UMAD1: variants seen among roughly 807,000 people sequenced by gnomAD.
UMAD1 encodes the protein UBAP1-MVB12-associated (UMA)-domain containing protein 1.
UMAD1 carries 8 observed loss-of-function variants against 6.1 expected under a neutral mutation model. The ratio of observed to expected loss-of-function variants is 1.30; its 90% confidence interval spans 0.76 to 2.35. The LOEUF (loss-of-function observed/expected upper bound fraction) is 2.35, where lower values mean the gene tolerates loss of function less well. Among genes scored for constraint, UMAD1 ranks in the 30% most tolerant of loss-of-function variants. UMAD1 has a pLI of 0.00. For synonymous variants in UMAD1, 56 were observed against 31.4 expected, an observed-to-expected ratio of 1.78 and a Z score of -2.61; for missense variants, 130 against 78.4, an observed-to-expected ratio of 1.66 and a Z score of -2.49.
chr7:7,734,986 A>T (rs891146228), intron 2 of UMAD1, among the ~76,000 whole-genome samples: 1 of 152,152 alleles, frequency 6.6e-6, no homozygotes, highest in African/African-American at 2.4e-5. Context: ...TAGTCCTAAA[A>T]TTATATTTAA....
At chr7:7,866,405 G>A (rs547753931) in intron 3 of UMAD1, among the ~76,000 whole-genome samples, 20 of 152,298 alleles carry the variant, frequency 1.3e-4, no homozygotes, top group Middle Eastern at 3.4e-3. Context: ...CACAGGGATG[G>A]TTACTTGGCC....
At chr7:7,814,644 A>G (rs1783089963) in intron 3 of UMAD1, among the ~76,000 whole-genome samples, 2 of 138,344 alleles carry the variant, frequency 1.4e-5, no homozygotes, top group South Asian at 2.2e-4. Flanking sequence ...TTATATTTAG[A>G]GTGTACTTTT....
At chr7:7,867,417 A>C (rs1784253943) in intron 3 of UMAD1, among the ~76,000 whole-genome samples, 1 of 152,166 alleles carries the variant, frequency 6.6e-6, no homozygotes, top group Non-Finnish European at 1.5e-5. Flanking sequence ...CAGAAATGGA[A>C]CCCTAAAGAA....
intron 2 of UMAD1, among the ~76,000 whole-genome samples, chr7:7,688,274 C>A (rs1328150679): frequency 2.0e-5 from 3 of 152,048 alleles, no homozygotes; most frequent in Non-Finnish European, 4.4e-5. Context: ...ATATTTTTAT[C>A]TTAATGGTAA....
At chr7:7,865,104 T>G (rs1375312553) in intron 3 of UMAD1, among the ~76,000 whole-genome samples, 1 of 152,166 alleles carries the variant, frequency 6.6e-6, no homozygotes, top group East Asian at 1.9e-4. Context: ...GCCAATAGTG[T>G]GAAGAAAATT....
chr7:7,797,706 T>C (rs1396173174), intron 2 of UMAD1, among the ~76,000 whole-genome samples: 2 of 151,212 alleles, frequency 1.3e-5, no homozygotes, highest in African/African-American at 4.8e-5. Flanking sequence ...TTTTTTTTTT[T>C]GAGACGAGGT....
intron 3 of UMAD1, among the ~76,000 whole-genome samples, chr7:7,870,763 A>G (rs529737286): frequency 2.6e-5 from 4 of 152,258 alleles, no homozygotes; most frequent in Non-Finnish European, 5.9e-5. Flanking sequence ...CAGCTGCATC[A>G]TGGCACTCAC....
chr7:7,782,133 C>G (rs938750059), intron 2 of UMAD1, among the ~76,000 whole-genome samples: 1 of 151,896 alleles, frequency 6.6e-6, no homozygotes, highest in African/African-American at 2.4e-5. Flanking sequence ...AAAAACTTCT[C>G]TTTTTATTAT....
intron 3 of UMAD1, among the ~76,000 whole-genome samples, chr7:7,871,786 T>C (rs1784337375): frequency 6.6e-6 from 1 of 151,842 alleles, no homozygotes; most frequent in Admixed American, 6.6e-5. Flanking sequence ...CTGTACTAGA[T>C]ATAGTTTGAT....
At chr7:7,779,355 C>G (rs896513146) in intron 2 of UMAD1, among the ~76,000 whole-genome samples, 1 of 152,050 alleles carries the variant, frequency 6.6e-6, no homozygotes, top group African/African-American at 2.4e-5. Context: ...TAGCTGACTT[C>G]CTGGGCTCAA....
At chr7:7,745,985 C>T (rs776930754) in intron 2 of UMAD1, among the ~76,000 whole-genome samples, 2 of 152,220 alleles carry the variant, frequency 1.3e-5, no homozygotes, top group Non-Finnish European at 2.9e-5. Flanking sequence ...ATCCTCCCAC[C>T]TCAGCCCCCT....
chr7:7,872,539 A>T (rs1784349435), intron 3 of UMAD1, among the ~76,000 whole-genome samples: 1 of 152,252 alleles, frequency 6.6e-6, no homozygotes, highest in African/African-American at 2.4e-5. Flanking sequence ...AGCAGATAGA[A>T]TAACGAAAAA....
chr7:7,828,986 T>A lies in UMAD1; in HGVS notation c.156+27243T>A, dbSNP rs1473212. Among the ~76,000 whole-genome samples the A allele has an allele frequency of 7.6e-3, 1,162 of 152,322 alleles. 57 individuals carry two copies. The East Asian group carries it at 0.15, about 20-fold the overall frequency. Reference sequence around the variant, plus strand: ...AGTGGTTTTCCTCAAAATGCAAACATGGAACACTATTATAAGGGATAACAT... The same window carrying A: ...AGTGGTTTTCCTCAAAATGCAAACAAGGAACACTATTATAAGGGATAACAT... On this transcript the variant is annotated intron_variant, in intron 3 of 3. Transcript: ENST00000682710.
At chr7:7,752,617 A>T (rs1781699648) in intron 2 of UMAD1, among the ~76,000 whole-genome samples, 2 of 152,142 alleles carry the variant, frequency 1.3e-5, no homozygotes, top group African/African-American at 2.4e-5. Flanking sequence ...TATTTCTAAA[A>T]ATTCTTTTTA....
chr7:7,667,954 G>A (rs564963295), intron 1 of UMAD1, among the ~76,000 whole-genome samples: 1 of 152,160 alleles, frequency 6.6e-6, no homozygotes, highest in South Asian at 2.1e-4. Context: ...TTAACACAGG[G>A]TCTTGCTCTG....
intron 2 of UMAD1, among the ~76,000 whole-genome samples, chr7:7,711,606 T>C (rs1780765865): frequency 6.6e-6 from 1 of 152,160 alleles, no homozygotes; most frequent in Non-Finnish European, 1.5e-5. Flanking sequence ...TATAATGGAA[T>C]TGGACATTTT....
At chr7:7,792,036 T>C (rs1035221202) in intron 2 of UMAD1, among the ~76,000 whole-genome samples, 3 of 152,260 alleles carry the variant, frequency 2.0e-5, no homozygotes, top group Non-Finnish European at 4.4e-5. Context: ...CAGCATTTTC[T>C]TTCTTACTGT....
At chr7:7,825,568 T>A (rs569437828) in intron 3 of UMAD1, among the ~76,000 whole-genome samples, 38 of 152,248 alleles carry the variant, frequency 2.5e-4, no homozygotes, top group African/African-American at 8.9e-4. Context: ...TCATGAGACT[T>A]ATTCACTATC....
chr7:7,736,273 A>T (rs1781357739), intron 2 of UMAD1: 1 of 152,376 alleles, frequency 6.6e-6, no homozygotes, highest in Non-Finnish European at 1.5e-5. Context: ...CCTGAGATGG[A>T]TCCCTTTGGA....
Sources: gnomAD v4.1 joint callset for allele counts (sites outside exome capture counted in the v4.1 genomes callset) on GRCh38, gnomAD v4.1.1 for gene constraint, MANE v1.5 for transcripts, NCBI Gene and HGNC (gene_info 2026-07-23, HGNC 2026-07-21) for gene names.